Variants in FLT1 observed in about 807,000 individuals in gnomAD.
FLT1 encodes fms related receptor tyrosine kinase 1.
Under a neutral mutation model 156.3 loss-of-function variants are expected in FLT1, and 49 were observed. That is an observed-to-expected ratio of 0.31 (90% CI 0.25 to 0.40). FLT1 has a LOEUF of 0.40. FLT1 is among the 10% of genes least tolerant of loss of function. The probability of loss-of-function intolerance (pLI) is 1.00; values close to 1 mark genes in which losing one functional copy is unlikely to be tolerated. For synonymous variants in FLT1, 594 were observed against 583.8 expected (o/e 1.02, Z -0.25); for missense variants, 1,322 against 1,637.2 (o/e 0.81, Z 3.32).
chr13:28,321,687 AT>A, intron 22 of FLT1, 102 bp from the exon 23 acceptor site: 22 of 1,250,048 alleles, frequency 1.8e-5, no homozygotes, highest in Non-Finnish European at 2.2e-5. Context: ...TCCATTTCAC[AT>A]GCTGTGAAGG....
At chr13:28,494,654 C>T (rs768014545) in intron 1 of FLT1, 126 bp downstream of exon 1, 157 of 717,600 alleles carry the variant, frequency 2.2e-4, no homozygotes, top group Non-Finnish European at 3.4e-4. Flanking sequence ...AGGTTCTCGC[C>T]GTAGCCAGCT....
intron 14 of FLT1, among the ~76,000 whole-genome samples, chr13:28,365,606 C>G (rs1433376986): frequency 2.0e-5 from 3 of 152,156 alleles, no homozygotes; most frequent in African/African-American, 7.2e-5. Context: ...CCAACCTTGG[C>G]CTCCCAAAAT....
At chr13:28,368,358 G>A in intron 14 of FLT1, 1 of 868,976 alleles carries the variant, frequency 1.2e-6, no homozygotes, top group East Asian at 2.8e-5. Context: ...CACCATCTTG[G>A]TCAGGCTGGT....
intron 16 of FLT1, among the ~76,000 whole-genome samples, chr13:28,340,868 C>T (rs1318098586): frequency 9.2e-6 from 1 of 108,576 alleles, no homozygotes; most frequent in East Asian, 3.4e-4. Flanking sequence ...ACGTTTGTCA[C>T]AAACTGTGGT....
At chr13:28,390,616 C>T (rs1036319405) in intron 12 of FLT1, among the ~76,000 whole-genome samples, 2 of 152,100 alleles carry the variant, frequency 1.3e-5, no homozygotes, top group African/African-American at 4.8e-5. Context: ...AGGCTGATCT[C>T]GAATTACTGG....
intron 13 of FLT1, chr13:28,387,553 T>C (rs1874433851): frequency 2.8e-6 from 3 of 1,063,306 alleles, no homozygotes; most frequent in Non-Finnish European, 3.4e-6. Context: ...CCCACCAGGT[T>C]CTTTCACTTT....
At position 28,300,521 on chromosome 13, in the gene FLT1, C is replaced by CACACA; in HGVS notation, c.*2645_*2646insTGTGT. On this transcript the variant is annotated 3_prime_UTR_variant, in exon 30 of 30. Transcript: ENST00000282397. ...AGTTATGCACAAAACACACATACAC[C>CACACA]CACACACACACACACACACACACAC... 8.9e-6 allele frequency: 2 copies of CACACA among 225,636 alleles called. No homozygotes were observed. The highest frequency in any genetic ancestry group is 4.7e-5 in the African/African-American group (2 of 42,872). 14.0% of individuals were successfully genotyped at this position (225,636 alleles called of 1,614,324 possible). A position where few individuals can be genotyped will look rare whatever the true frequency, so the allele number is the denominator to read the frequency against.
chr13:28,332,794 G>A (rs966942322), intron 18 of FLT1, among the ~76,000 whole-genome samples: 1 of 152,214 alleles, frequency 6.6e-6, no homozygotes, highest in Non-Finnish European at 1.5e-5. Flanking sequence ...AAAAATGGCT[G>A]TTTTGTGTGG....
At position 28,494,783 on chromosome 13, in the gene FLT1, T is replaced by C; in HGVS notation, c.61A>G (p.Thr21Ala). 1.3e-6 allele frequency: 2 copies of C among 1,568,964 alleles called. No homozygotes were observed. The highest frequency in any genetic ancestry group is 1.4e-5 in the African/African-American group (1 of 73,490). The change falls in exon 1 of 30, where the codon ACA (threonine) becomes GCA (alanine). Residue 21 changes from threonine to alanine, a missense_variant. This residue lies in a region of FLT1 where 991 missense variants were observed against 1,254.8 expected (regional missense o/e 0.79). Coordinates refer to ENST00000282397, the MANE Select transcript of FLT1 (RefSeq NM_002019.4). ...CCGGCCCCCAGCCGCGCCTCACCTG[T>C]GAGAAGCAGACAGCTGAGCAGCGCG... is the stretch of plus-strand genomic sequence containing the variant. ...LCALLSCLLL[T>A]GSSSGSKLKD... is the part of the protein sequence containing the mutation.
At chr13:28,461,498 G>C (rs745337189) in intron 3 of FLT1, among the ~76,000 whole-genome samples, 1 of 152,100 alleles carries the variant, frequency 6.6e-6, no homozygotes. Flanking sequence ...TTCTCTCAGA[G>C]ATAATTAAGT....
intron 14 of FLT1, among the ~76,000 whole-genome samples, chr13:28,377,981 G>T (rs1367895657): frequency 1.3e-5 from 2 of 151,114 alleles, no homozygotes; most frequent in African/African-American, 2.4e-5. Flanking sequence ...TGCTTTATGT[G>T]ATTTTAATAT....
intron 14 of FLT1, among the ~76,000 whole-genome samples, chr13:28,372,136 C>T (rs1873632451): frequency 7.6e-6 from 1 of 132,000 alleles, no homozygotes; most frequent in Admixed American, 8.4e-5. Flanking sequence ...AGCTGAACTG[C>T]AGTGGAGCCA....
chr13:28,375,823 A>G lies in FLT1; in HGVS notation c.2116+9062T>C, dbSNP rs73453249. 9.5e-3 allele frequency among the ~76,000 whole-genome samples: 1,446 copies of G among 152,350 alleles called. 37 individuals are homozygous for G. The highest frequency in any genetic ancestry group is 0.032 in the African/African-American group (1,345 of 41,572). On this transcript the variant is annotated intron_variant, in intron 14 of 29. Coordinates refer to ENST00000282397, the MANE Select transcript of FLT1 (RefSeq NM_002019.4). ...GCACTGCTCTGCGCACACCCTGGATATCTTGTTCACATTTCTTTTCTGCAA... is the reference window on the plus strand; with the variant it reads ...GCACTGCTCTGCGCACACCCTGGATGTCTTGTTCACATTTCTTTTCTGCAA...
chr13:28,451,969 C>A (rs1333557070), intron 3 of FLT1, among the ~76,000 whole-genome samples: 1 of 152,094 alleles, frequency 6.6e-6, no homozygotes, highest in East Asian at 1.9e-4. Flanking sequence ...TCCATTGTTG[C>A]CAAGTGGAAA....
intron 3 of FLT1, among the ~76,000 whole-genome samples, chr13:28,454,127 T>C (rs373343313): frequency 6.6e-6 from 1 of 152,280 alleles, no homozygotes; most frequent in East Asian, 1.9e-4. Flanking sequence ...TAATTGTAAC[T>C]CATTTTCTTT....
At chr13:28,355,096 C>T (rs1872852290) in intron 15 of FLT1, among the ~76,000 whole-genome samples, 1 of 152,050 alleles carries the variant, frequency 6.6e-6, no homozygotes, top group African/African-American at 2.4e-5. Context: ...CAATTTTATC[C>T]TAAGTCCTTG....
chr13:28,361,064 G>A (rs754849939), intron 14 of FLT1, among the ~76,000 whole-genome samples: 7 of 151,904 alleles, frequency 4.6e-5, no homozygotes, highest in Non-Finnish European at 8.8e-5. Context: ...TGGATCATGA[G>A]GTCTAGGAAT....
intron 1 of FLT1, 63 bp downstream of exon 1, chr13:28,494,717 G>T (rs1881662790): frequency 1.5e-6 from 2 of 1,336,746 alleles, no homozygotes; most frequent in Non-Finnish European, 1.0e-6. Flanking sequence ...GGCCTCGGAG[G>T]CTCTGCCCTC....
At chr13:28,421,165 C>G (rs897395966) in intron 10 of FLT1, among the ~76,000 whole-genome samples, 1 of 152,198 alleles carries the variant, frequency 6.6e-6, no homozygotes, top group East Asian at 1.9e-4. Flanking sequence ...ACATTATTTT[C>G]TAGTTAACTT....
Sources: gnomAD v4.1 joint callset for allele counts (sites outside exome capture counted in the v4.1 genomes callset) on GRCh38, gnomAD v4.1.1 for gene constraint, gnomAD v4.1.1 regional missense constraint, MANE v1.5 for transcripts, NCBI Gene and HGNC (gene_info 2026-07-23, HGNC 2026-07-21) for gene names.